The following BANK1 variants were observed in gnomAD, a reference collection of about 807,000 sequenced individuals.
BANK1 encodes the protein B-cell scaffold protein with ankyrin repeats.
A neutral mutation model predicts 94.5 loss-of-function variants in BANK1; 95 were observed. That is an observed-to-expected ratio of 1.00 (90% CI 0.85 to 1.19). The LOEUF is 1.19. BANK1 is among the 50% of genes most tolerant of loss of function. BANK1 has a pLI of 0.00. For missense variants in BANK1, 987 were observed against 932.2 expected (o/e 1.06, Z -0.77); for synonymous variants, 334 against 308.4 (o/e 1.08, Z -0.87).
chr4:101,976,862 G>A (rs1725150888), intron 7 of BANK1: 1 of 152,082 alleles, frequency 6.6e-6, no homozygotes, highest in Non-Finnish European at 1.5e-5. Flanking sequence ...TATGCAAGCT[G>A]AATCTTACGG....
intron 7 of BANK1, among the ~76,000 whole-genome samples, chr4:101,986,877 G>GTGTGTATA (rs1725514235): frequency 2.5e-5 from 2 of 79,082 alleles, no homozygotes; most frequent in African/African-American, 1.4e-4. Context: ...GTGTGTATGT[G>GTGTGTATA]TGTGTGTGTG....
chr4:101,875,614 T>C (rs975987930), intron 5 of BANK1, among the ~76,000 whole-genome samples: 1 of 151,608 alleles, frequency 6.6e-6, no homozygotes, highest in Non-Finnish European at 1.5e-5. Flanking sequence ...CCCACCAGGG[T>C]CCCCCCCTAG....
chr4:101,867,885 G>A (rs1393349576), intron 4 of BANK1, among the ~76,000 whole-genome samples: 6 of 151,602 alleles, frequency 4.0e-5, no homozygotes, highest in East Asian at 1.9e-4. Context: ...GGTAGAGAGC[G>A]GGAACAAAGA....
intron 1 of BANK1, among the ~76,000 whole-genome samples, chr4:101,828,407 A>G (rs1004575349): frequency 6.9e-6 from 1 of 144,226 alleles, no homozygotes; most frequent in South Asian, 2.2e-4. Flanking sequence ...ATATATATAT[A>G]TATCTCCATA....
chr4:101,849,483 G>T (rs1375527740), intron 2 of BANK1, among the ~76,000 whole-genome samples: 1 of 151,962 alleles, frequency 6.6e-6, no homozygotes, highest in Non-Finnish European at 1.5e-5. Flanking sequence ...GGCGTTTTTA[G>T]TTAGGACATG....
intron 1 of BANK1, among the ~76,000 whole-genome samples, chr4:101,792,441 T>TTGTGTGTG (rs143434251): frequency 7.3e-6 from 1 of 136,760 alleles, no homozygotes; most frequent in East Asian, 2.1e-4. Flanking sequence ...ATCCAGTGGT[T>TTGTGTGTG]TGTGTGTGTG....
intron 13 of BANK1, among the ~76,000 whole-genome samples, chr4:102,065,793 CTTA>C (rs1331375612): frequency 5.3e-5 from 8 of 151,738 alleles, no homozygotes; most frequent in Non-Finnish European, 7.4e-5. Context: ...ATCAGATGAA[CTTA>C]TTATCAAATT....
chr4:101,864,878 T>C (rs1036376848), intron 4 of BANK1, among the ~76,000 whole-genome samples: 1 of 152,178 alleles, frequency 6.6e-6, no homozygotes, highest in Non-Finnish European at 1.5e-5. Context: ...GTCACATTCT[T>C]TCCTCCCAGG....
chr4:101,895,432 C>T (rs774653532), intron 6 of BANK1, 22 bp downstream of exon 6: 15 of 1,378,526 alleles, frequency 1.1e-5, no homozygotes, highest in Non-Finnish European at 1.5e-5. Context: ...CCAGCTGCAT[C>T]AATTATTCTT....
intron 5 of BANK1, among the ~76,000 whole-genome samples, chr4:101,874,439 A>G (rs1728411976): frequency 6.6e-6 from 1 of 152,146 alleles, no homozygotes; most frequent in African/African-American, 2.4e-5. Flanking sequence ...CCTGCCTTTC[A>G]GAAATGCTTT....
intron 2 of BANK1, among the ~76,000 whole-genome samples, chr4:101,839,296 C>T (rs1166188596): frequency 6.6e-6 from 1 of 151,956 alleles, no homozygotes; most frequent in Non-Finnish European, 1.5e-5. Context: ...TTTTCAGGAA[C>T]TATATTCATT....
intron 7 of BANK1, among the ~76,000 whole-genome samples, chr4:101,974,199 A>C (rs1725050183): frequency 6.6e-6 from 1 of 152,144 alleles, no homozygotes; most frequent in South Asian, 2.1e-4. Context: ...CAAAAAACCT[A>C]ACTGAGTGGA....
chr4:101,978,720 A>G (rs185851557), intron 7 of BANK1, among the ~76,000 whole-genome samples: 2 of 152,192 alleles, frequency 1.3e-5, no homozygotes, highest in Admixed American at 1.3e-4. Context: ...CTTGACCACA[A>G]TAATAGTTTT....
chr4:101,830,669 G>C (rs1726582285), intron 2 of BANK1, among the ~76,000 whole-genome samples: 1 of 152,110 alleles, frequency 6.6e-6, no homozygotes, highest in African/African-American at 2.4e-5. Context: ...GAAAATACCA[G>C]GTCCCATTAA....
At chr4:101,840,620 A>G (rs923425481) in intron 2 of BANK1, among the ~76,000 whole-genome samples, 1 of 152,184 alleles carries the variant, frequency 6.6e-6, no homozygotes, top group East Asian at 1.9e-4. Flanking sequence ...ATTTCAGCCC[A>G]TCCCTTTGTT....
intron 7 of BANK1, among the ~76,000 whole-genome samples, chr4:101,969,504 G>A (rs1724883346): frequency 6.6e-6 from 1 of 151,992 alleles, no homozygotes; most frequent in Non-Finnish European, 1.5e-5. Flanking sequence ...ATTTTGGTTA[G>A]TTATTAAAAG....
intron 2 of BANK1, among the ~76,000 whole-genome samples, chr4:101,848,054 C>T (rs940972894): frequency 2.0e-5 from 3 of 152,184 alleles, no homozygotes; most frequent in Admixed American, 6.5e-5. Flanking sequence ...TCCTCTACCT[C>T]GGTGTTTTGC....
intron 4 of BANK1, among the ~76,000 whole-genome samples, chr4:101,865,679 G>A (rs1334257270): frequency 6.6e-6 from 1 of 152,058 alleles, no homozygotes; most frequent in Non-Finnish European, 1.5e-5. Context: ...ACAACGAAGA[G>A]TCACTGAAAG....
intron 7 of BANK1, among the ~76,000 whole-genome samples, chr4:101,978,814 G>A (rs911072043): frequency 2.0e-4 from 30 of 151,888 alleles, no homozygotes; most frequent in African/African-American, 5.8e-4. Flanking sequence ...AATATATTCC[G>A]TAGAAACACC....
Sources: allele counts gnomAD v4.1 joint callset (sites outside exome capture counted in the v4.1 genomes callset), GRCh38; gene constraint gnomAD v4.1.1; transcripts MANE v1.5; gene names NCBI Gene and HGNC (gene_info 2026-07-23, HGNC 2026-07-21).